The following BCAN variants were observed in gnomAD, a reference collection of about 807,000 sequenced individuals.
BCAN encodes brevican core protein.
A neutral mutation model predicts 92.4 loss-of-function variants in BCAN; 51 were observed. The observed-to-expected ratio is 0.55, with a 90% CI of 0.44 to 0.70. The LOEUF (loss-of-function observed/expected upper bound fraction) is 0.70, where lower values mean the gene tolerates loss of function less well. Ranked by LOEUF, BCAN falls within the 30% of genes least tolerant of loss-of-function variation. The pLI, the probability that BCAN is intolerant of heterozygous loss-of-function variation, is 0.00. For missense variants in BCAN, 1,140 were observed against 1,212.1 expected, an observed-to-expected ratio of 0.94 and a Z score of 0.88; for synonymous variants, 501 against 505.2, an observed-to-expected ratio of 0.99 and a Z score of 0.11.
chr1:156,656,213 T>C, intron 8 of BCAN, 69 bp from the exon 9 acceptor site: 1 of 1,163,324 alleles, frequency 8.6e-7, no homozygotes. Flanking sequence ...CTGCACCCTC[T>C]CCTGGAGGGC....
chr1:156,650,741 G>A (rs1378796676), intron 6 of BCAN, among the ~76,000 whole-genome samples: 1 of 152,102 alleles, frequency 6.6e-6, no homozygotes. Flanking sequence ...CCAGGAGTTC[G>A]AGATCAGCCT....
chr1:156,657,051 C>T lies in BCAN; in HGVS notation c.2164C>T (p.His722Tyr). ...GACCCAGTGCCGGATGTACGGCGCGCATCTGGCCAGCATCAGCACACCCGA... is the reference window on the plus strand; with the variant it reads ...GACCCAGTGCCGGATGTACGGCGCGTATCTGGCCAGCATCAGCACACCCGA... ...AETQCRMYGA[H>Y]LASISTPEEQ... Residue 722 changes from histidine (H) to tyrosine (Y), a missense_variant, in exon 10 of 14, where the codon CAT becomes TAT. By Grantham distance (83) the His-to-Tyr change is moderately conservative. Transcript: ENST00000329117. The T allele has an allele frequency of 6.2e-7, 1 of 1,614,220 alleles. No homozygotes were observed. Among genetic ancestry groups the T allele is most frequent in the Non-Finnish European group, 8.5e-7 (1 of 1,180,028 alleles).
chr1:156,656,838 C>A, intron 9 of BCAN, 100 bp from the exon 10 acceptor site: 1 of 1,502,374 alleles, frequency 6.7e-7, no homozygotes, highest in Non-Finnish European at 9.0e-7. Context: ...CTTAGTCCCG[C>A]CCCTCTCGGC....
In BCAN at chr1:156,658,272, G is replaced by A; in HGVS notation, c.2437+1G>A. 1 of 1,613,664 alleles carries A rather than the reference G, an allele frequency of 6.2e-7. No homozygotes were observed. The highest frequency in any genetic ancestry group is 8.5e-7 in the Non-Finnish European group (1 of 1,179,780). On this transcript the variant is annotated splice_donor_variant, in intron 12 of 13. Coordinates refer to ENST00000329117, the MANE Select transcript of BCAN (RefSeq NM_021948.5). LOFTEE classifies it high-confidence loss of function. This position sits in a 1 kb window ranked among gnomAD's most constrained non-coding sequence, Gnocchi z 4.4. ...TCCTACACCTGCAAGATGGGGCTGG[G>A]TGAGGGCAGGCAAAGGAGGGTCCCA...
At position 156,647,838 on chromosome 1, in the gene BCAN, G is replaced by T. The variant is rs778138470; in HGVS notation, c.642-145G>T. 1.4e-5 allele frequency: 21 copies of T among 1,532,862 alleles called. No homozygotes were observed. The South Asian group carries it at 2.3e-4, about 16-fold the overall frequency. 95.0% of individuals were successfully genotyped at this position (1,532,862 alleles called of 1,614,324 possible). Reference sequence around the variant, plus strand: ...TGAGGAGGGGAGGTGAGGACCCTGAGCATGTGCATCCCTGCAGTGCTAGAA... The same window carrying T: ...TGAGGAGGGGAGGTGAGGACCCTGATCATGTGCATCCCTGCAGTGCTAGAA... On this transcript the variant is annotated intron_variant, in intron 4 of 13. Coordinates refer to ENST00000329117, the MANE Select transcript of BCAN (RefSeq NM_021948.5). The surrounding 1 kb of genome is among the most constrained non-coding windows in gnomAD (Gnocchi z 4.8).
rs1256345322 is a variant in BCAN, at chr1:156,647,011, A to G, written c.302A>G (p.Asn101Ser). The G allele has an allele frequency of 1.2e-6, 2 of 1,612,866 alleles. No homozygotes were observed. Among genetic ancestry groups the G allele is most frequent in the African/African-American group, 1.3e-5 (1 of 74,926 alleles). ...GCGCGGGGAGTGCGCGTCAAGGTGA[A>G]CGAGGCCTACCGGTTCCGCGTGGCA... ...LVARGVRVKV[N>S]EAYRFRVALP... The change falls in exon 3 of 14, where the codon AAC (asparagine) becomes AGC (serine). Residue 101 changes from asparagine to serine, a missense_variant. Asn to Ser is a conservative substitution (Grantham distance 46). Coordinates refer to ENST00000329117, the MANE Select transcript of BCAN (RefSeq NM_021948.5). The surrounding 1 kb of genome is among the most constrained non-coding windows in gnomAD (Gnocchi z 4.8).
At chr1:156,652,192 T>C in intron 7 of BCAN, 56 bp from the exon 8 acceptor site, 1 of 1,526,456 alleles carries the variant, frequency 6.6e-7, no homozygotes, top group Non-Finnish European at 8.8e-7. Context: ...CCCTTTTTCC[T>C]TTCGGTCCTT....
intron 2 of BCAN, 132 bp downstream of exon 2, chr1:156,646,277 A>G: frequency 1.2e-6 from 1 of 825,556 alleles, no homozygotes; most frequent in South Asian, 1.8e-5. Flanking sequence ...ACACTTGGAA[A>G]TAAGGGCTGA....
rs1679352366 is a variant in BCAN, at chr1:156,656,928, T to A, written c.2051-10T>A. 6.2e-7 allele frequency: 1 copy of A among 1,612,118 alleles called. No homozygotes were observed. Among genetic ancestry groups the A allele is most frequent in the Non-Finnish European group, 8.5e-7 (1 of 1,178,538 alleles). On this transcript the variant is annotated splice_polypyrimidine_tract_variant and intron_variant, in intron 9 of 13. Transcript: ENST00000329117. ...TGGGGCCCTAAGATGCCCGCCCTTA[T>A]GTGCCGCAGGCCTCCGCTTCTGCAA...
At chr1:156,655,820 A>G (rs1679304658) in intron 8 of BCAN, among the ~76,000 whole-genome samples, 1 of 152,210 alleles carries the variant, frequency 6.6e-6, no homozygotes, top group Admixed American at 6.5e-5. Context: ...CACCTGGACT[A>G]TACAGAACTG....
chr1:156,644,010 CTG>C (rs1229007164), intron 1 of BCAN: 2 of 152,290 alleles, frequency 1.3e-5, no homozygotes, highest in East Asian at 3.8e-4. Context: ...GTGGGGAAGT[CTG>C]AGTTTCCTCA....
rs113035506 is a variant in BCAN, at chr1:156,658,601, G to A, written c.2496G>A (p.Leu832=). The change falls in exon 13 of 14, where the codon CTG becomes CTA. Residue 832 remains leucine, a synonymous_variant. Transcript: ENST00000329117. This position sits in a 1 kb window ranked among gnomAD's most constrained non-coding sequence, Gnocchi z 4.4. The part of the protein sequence containing the change: ...PLAQVFGRPR[L]RYEVDTVLRY... ...CTCAAGTGTTCGGCCGCCCACGGCT[G>A]CGCTATGAGGTGGACACTGTGCTTC... 1.1e-5 allele frequency: 17 copies of A among 1,614,072 alleles called. No homozygotes were observed. The African/African-American group carries it at 1.6e-4, about 15-fold the overall frequency.
rs1446975213 is a variant in BCAN, at chr1:156,647,216, G to A, written c.466+41G>A. On this transcript the variant is annotated intron_variant, in intron 3 of 13. Coordinates refer to ENST00000329117, the MANE Select transcript of BCAN (RefSeq NM_021948.5). The surrounding 1 kb of genome is among the most constrained non-coding windows in gnomAD (Gnocchi z 4.8). ...GGTTCCAGAGGGAGGGAGGGAGGGA[G>A]GGAAGGGAGGACTCTTGCCTTCGGG... 7.6e-6 allele frequency: 11 copies of A among 1,449,102 alleles called. No homozygotes were observed. In the East Asian group the frequency reaches 1.2e-4, roughly 16 times the overall value. The allele number at this position is 1,449,102 out of a possible 1,614,324, so 89.8% of individuals were successfully genotyped here. A position where few individuals can be genotyped will look rare whatever the true frequency, so the allele number is the denominator to read the frequency against.
Position 156,656,206 on chromosome 1 carries a change from C to A in BCAN, c.1943-76C>A, listed in dbSNP as rs149216844. 442 of 1,054,022 alleles carry A rather than the reference C, an allele frequency of 4.2e-4. 2 individuals are homozygous for A. The African/African-American group carries it at 7.1e-3, about 17-fold the overall frequency. The allele number at this position is 1,054,022 out of a possible 1,614,324, so 65.3% of individuals were successfully genotyped here. ...GAGACCAGGGCTGGGGGACCCTCTG[C>A]ACCCTCTCCTGGAGGGCTCAGGCTG... On this transcript the variant is annotated intron_variant, in intron 8 of 13. Transcript: ENST00000329117.
chr1:156,658,499 C>A lies in BCAN; in HGVS notation c.2438-44C>A. The A allele has an allele frequency of 1.3e-6, 2 of 1,585,108 alleles. No individual in the cohort carries two copies. Among genetic ancestry groups the A allele is most frequent in the South Asian group, 2.3e-5 (2 of 88,696 alleles). ...TCCCCATGGAGATTCTGGGAACTGT[C>A]ACCCACAGAGCCAGGCTCAGTTCCT... On this transcript the variant is annotated intron_variant, in intron 12 of 13. Coordinates refer to ENST00000329117, the MANE Select transcript of BCAN (RefSeq NM_021948.5). The surrounding 1 kb of genome is among the most constrained non-coding windows in gnomAD (Gnocchi z 4.4).
chr1:156,657,687 A>C lies in BCAN; in HGVS notation c.2222A>C (p.Glu741Ala). 1 of 1,611,084 alleles carries C rather than the reference A, an allele frequency of 6.2e-7. No homozygotes were observed. Among genetic ancestry groups the C allele is most frequent in the Non-Finnish European group, 8.5e-7 (1 of 1,178,860 alleles). Reference protein sequence around the residue: ...EQDFINNRYREYQWIGLNDRT... With the variant: ...EQDFINNRYRAYQWIGLNDRT... ...TTCGTCTCCCTAGACCGGTACCGGGAGTACCAGTGGATCGGACTCAACGAC... is the reference window on the plus strand; with the variant it reads ...TTCGTCTCCCTAGACCGGTACCGGGCGTACCAGTGGATCGGACTCAACGAC... Residue 741 changes from glutamate (E) to alanine (A), a missense_variant, in exon 11 of 14, where the codon GAG becomes GCG. Glu to Ala is a moderately radical substitution (Grantham distance 107, BLOSUM62 -1). Around this residue, in one of 3 missense-constraint regions of BCAN, gnomAD observed 825 missense variants for 871.8 expected, o/e 0.95. Transcript: ENST00000329117.
chr1:156,651,730 G>A (rs760736766), intron 7 of BCAN, 41 bp downstream of exon 7: 1 of 1,540,660 alleles, frequency 6.5e-7, no homozygotes, highest in Non-Finnish European at 8.8e-7. Flanking sequence ...TTGATTGAAA[G>A]AAGTTGGGGG....
At chr1:156,651,410 A>C in intron 6 of BCAN, 46 bp from the exon 7 acceptor site, 12 of 1,514,150 alleles carry the variant, frequency 7.9e-6, no homozygotes, top group Non-Finnish European at 1.1e-5. Flanking sequence ...CTGGGAGGGC[A>C]GAGCTACCTA....
chr1:156,643,870 C>G (rs1036800224), intron 1 of BCAN: 8 of 152,390 alleles, frequency 5.2e-5, no homozygotes, highest in African/African-American at 1.9e-4. Context: ...GACTGCTGAG[C>G]TCTCAGGGTT....
Sources: gnomAD v4.1 joint callset for allele counts (sites outside exome capture counted in the v4.1 genomes callset) on GRCh38, gnomAD v4.1.1 for gene constraint, gnomAD v4.1.1 regional missense constraint, Gnocchi (gnomAD v3.1) non-coding constraint, MANE v1.5 for transcripts, NCBI Gene and HGNC (gene_info 2026-07-23, HGNC 2026-07-21) for gene names.